Variants in TACC2 observed in about 807,000 individuals in gnomAD.
TACC2 encodes transforming acidic coiled-coil containing protein 2, also known as transforming acidic coiled-coil-containing protein 2.
Under a neutral mutation model 227.3 loss-of-function variants are expected in TACC2, and 137 were observed. The observed-to-expected ratio is 0.60, with a 90% CI of 0.52 to 0.69. The LOEUF is 0.69. Ranked by LOEUF, TACC2 falls within the 30% of genes least tolerant of loss-of-function variation. The probability of loss-of-function intolerance (pLI) is 0.00; values close to 1 mark genes in which losing one functional copy is unlikely to be tolerated. For synonymous variants in TACC2, 1,523 were observed against 1,487.5 expected (o/e 1.02, Z -0.55); for missense variants, 3,470 against 3,694.4 (o/e 0.94, Z 1.57).
At chr10:122,090,952 C>G (rs922011993) in intron 5 of TACC2, among the ~76,000 whole-genome samples, 2 of 152,064 alleles carry the variant, frequency 1.3e-5, no homozygotes, top group African/African-American at 4.8e-5. Context: ...TGGTGCTCAG[C>G]CTAGTCTTGA....
chr10:122,215,523 C>T, intron 10 of TACC2, 72 bp downstream of exon 10: 2 of 1,294,508 alleles, frequency 1.5e-6, no homozygotes, highest in South Asian at 2.4e-5. Context: ...GTTGACAAAG[C>T]TTTGCTTTCT....
In TACC2 at chr10:122,180,445, C is replaced by T. The variant is rs1407123280; in HGVS notation, c.5835-14595C>T. ...CTCCGCTTCCCAGGTTCACGCCATT[C>T]TCCTGCCTCAGCCTCCCGAGTAGCT... On this transcript the variant is annotated intron_variant, in intron 7 of 22. Coordinates refer to ENST00000369005, the MANE Select transcript of TACC2 (RefSeq NM_206862.4). This position sits in a 1 kb window ranked among gnomAD's most constrained non-coding sequence, Gnocchi z 4.5. Among the ~76,000 whole-genome samples, 1 of 151,782 alleles carries T rather than the reference C, an allele frequency of 6.6e-6. No homozygotes were observed. Among genetic ancestry groups the T allele is most frequent in the Non-Finnish European group, 1.5e-5 (1 of 67,984 alleles).
rs1325364389 is a variant in TACC2, at chr10:122,215,419, A to C, written c.7312A>C (p.Lys2438Gln). The change falls in exon 10 of 23, where the codon AAA becomes CAA. Residue 2438 changes from lysine to glutamine, a missense_variant. Lys to Gln is a moderately conservative substitution (Grantham distance 53). Transcript: ENST00000369005. ...TDTFRVKKSP[K>Q]RSPLSDPPSQ... ...CACATTTAGGGTGAAAAAGTCGCCA[A>C]AACGGTCTCCTCTCTCTGATCCACC... is the stretch of plus-strand genomic sequence containing the variant. 3 of 1,613,912 alleles carry C rather than the reference A, an allele frequency of 1.9e-6. No individual in the cohort carries two copies. The highest frequency in any genetic ancestry group is 1.1e-5 in the South Asian group (1 of 91,076).
chr10:122,173,181 C>T (rs1321886415), intron 7 of TACC2, among the ~76,000 whole-genome samples: 1 of 152,184 alleles, frequency 6.6e-6, no homozygotes, highest in African/African-American at 2.4e-5. Flanking sequence ...CTCCTCACCC[C>T]AGACAACCCC....
At chr10:122,071,982 T>C (rs1468407795) in intron 3 of TACC2, among the ~76,000 whole-genome samples, 3 of 143,912 alleles carry the variant, frequency 2.1e-5, no homozygotes, top group Admixed American at 6.8e-5. Flanking sequence ...ATAACTCTTT[T>C]TTTTTTTTTT....
At chr10:122,046,346 C>T (rs1488025158) in intron 2 of TACC2, among the ~76,000 whole-genome samples, 7 of 138,406 alleles carry the variant, frequency 5.1e-5, no homozygotes, top group Admixed American at 2.9e-4. Flanking sequence ...TGGTGGTGGG[C>T]GCCTGTAGTC....
intron 22 of TACC2, among the ~76,000 whole-genome samples, chr10:122,250,911 C>CTTTTTTTT (rs56383359): frequency 2.1e-5 from 1 of 47,508 alleles, no homozygotes; most frequent in Non-Finnish European, 3.8e-5. Flanking sequence ...TATTTTCATT[C>CTTTTTTTT]TTTTTTTTTT....
intron 2 of TACC2, chr10:122,022,985 G>C (rs1010688961): frequency 6.6e-6 from 1 of 152,164 alleles, no homozygotes; most frequent in African/African-American, 2.4e-5. Flanking sequence ...TTCCTTGAAC[G>C]AGAAAACTGG....
intron 7 of TACC2, among the ~76,000 whole-genome samples, chr10:122,149,476 C>T (rs1376182072): frequency 6.6e-6 from 1 of 152,176 alleles, no homozygotes; most frequent in Admixed American, 6.5e-5. Context: ...TCAGGCTTTC[C>T]TGTGAGGTGC....
At chr10:122,230,564 C>A in intron 16 of TACC2, 124 bp downstream of exon 16, 1 of 831,128 alleles carries the variant, frequency 1.2e-6, no homozygotes, top group Non-Finnish European at 2.0e-6. Flanking sequence ...GAGTCGTTTC[C>A]AAAAAGCTGA....
At chr10:122,214,113 A>C (rs568398717) in intron 9 of TACC2, among the ~76,000 whole-genome samples, 1 of 152,240 alleles carries the variant, frequency 6.6e-6, no homozygotes, top group South Asian at 2.1e-4. Context: ...AAAGACATGC[A>C]ACTTTTCCCT....
At chr10:122,100,324 A>G (rs73370168) in intron 5 of TACC2, among the ~76,000 whole-genome samples, 20,131 of 151,946 alleles carry the variant, frequency 0.13, 2,134 homozygotes, top group African/African-American at 0.29. Flanking sequence ...ACTGAGTCTA[A>G]GAGGAAAGCT....
chr10:122,134,243 C>T (rs1435587951), intron 6 of TACC2, among the ~76,000 whole-genome samples: 1 of 151,278 alleles, frequency 6.6e-6, no homozygotes, highest in African/African-American at 2.4e-5. Flanking sequence ...ACAATCTCTG[C>T]TCACTGCAAC....
chr10:122,093,882 G>T (rs955734331), intron 5 of TACC2, among the ~76,000 whole-genome samples: 17 of 152,186 alleles, frequency 1.1e-4, no homozygotes, highest in Non-Finnish European at 2.2e-4. Flanking sequence ...TTAAGCAAAA[G>T]GAGGCAATGC....
At position 122,254,204 on chromosome 10, in the gene TACC2, A is replaced by G; in HGVS notation, c.*148A>G. On this transcript the variant is annotated 3_prime_UTR_variant, in exon 23 of 23. Coordinates refer to ENST00000369005, the MANE Select transcript of TACC2 (RefSeq NM_206862.4). ...TTCTAAATAAAATTGATTTGATTGT[A>G]TGCAGTACTAAGGAGACTATCAGAA... is the stretch of plus-strand genomic sequence containing the variant. The G allele has an allele frequency of 1.4e-6, 1 of 738,010 alleles. No homozygotes were observed. The highest frequency in any genetic ancestry group is 2.5e-6 in the Non-Finnish European group (1 of 405,414). 45.7% of individuals were successfully genotyped at this position (738,010 alleles called of 1,614,324 possible).
At chr10:122,166,643 T>C (rs2093179251) in intron 7 of TACC2, among the ~76,000 whole-genome samples, 1 of 152,146 alleles carries the variant, frequency 6.6e-6, no homozygotes, top group South Asian at 2.1e-4. Context: ...AATCAGAATC[T>C]CCATTTCATC....
At chr10:122,242,058 G>A in intron 19 of TACC2, 57 bp downstream of exon 19, 2 of 1,526,600 alleles carry the variant, frequency 1.3e-6, no homozygotes, top group African/African-American at 2.7e-5. Context: ...GAACTATGAG[G>A]AGGCCTTGGA....
chr10:122,215,588 C>T, intron 10 of TACC2, 137 bp downstream of exon 10: 2 of 746,124 alleles, frequency 2.7e-6, no homozygotes, highest in South Asian at 3.1e-5. Flanking sequence ...GTGGAGGGTC[C>T]CTCGATGTTT....
rs181503025 is a variant in TACC2, at chr10:122,124,033, C to T, written c.5574-8576C>T. Among the ~76,000 whole-genome samples the T allele has an allele frequency of 6.6e-3, 1,011 of 152,076 alleles. 12 individuals carry two copies. The highest frequency in any genetic ancestry group is 0.022 in the African/African-American group (920 of 41,474). On this transcript the variant is annotated intron_variant, in intron 5 of 22. Coordinates refer to ENST00000369005, the MANE Select transcript of TACC2 (RefSeq NM_206862.4). ...TTCACCATGTTGGCCAGGCTGGTCTCGAACTCCTGGCCTCGTGATCTGCCC... is the reference window on the plus strand; with the variant it reads ...TTCACCATGTTGGCCAGGCTGGTCTTGAACTCCTGGCCTCGTGATCTGCCC...
Sources: allele counts gnomAD v4.1 joint callset (sites outside exome capture counted in the v4.1 genomes callset), GRCh38; gene constraint gnomAD v4.1.1; non-coding constraint Gnocchi (gnomAD v3.1); transcripts MANE v1.5; gene names NCBI Gene and HGNC (gene_info 2026-07-23, HGNC 2026-07-21).